Variants in CACNB1 observed in about 807,000 individuals in gnomAD.
CACNB1 encodes the protein voltage-dependent L-type calcium channel subunit beta-1.
CACNB1 carries 29 observed loss-of-function variants against 71.6 expected under a neutral mutation model. That is an observed-to-expected ratio of 0.40 (90% confidence interval 0.30 to 0.55). The LOEUF (loss-of-function observed/expected upper bound fraction) is 0.55. Among genes scored for constraint, CACNB1 ranks in the 20% least tolerant of loss-of-function variants. The pLI, the probability that CACNB1 is intolerant of heterozygous loss-of-function variation, is 0.38. For synonymous variants in CACNB1, 300 were observed against 319.6 expected, an observed-to-expected ratio of 0.94 and a Z score of 0.65; for missense variants, 623 against 801.8, an observed-to-expected ratio of 0.78 and a Z score of 2.69.
At position 39,194,870 on chromosome 17, in the gene CACNB1, A is replaced by T; in HGVS notation, c.171+14T>A. 2 of 1,589,234 alleles carry T rather than the reference A, an allele frequency of 1.3e-6. No individual in the cohort carries two copies. The highest frequency in any genetic ancestry group is 4.5e-5 in the East Asian group (2 of 44,734). On this transcript the variant is annotated intron_variant, in intron 2 of 13. Transcript: ENST00000394303. The surrounding 1 kb of genome is among the most constrained non-coding windows in gnomAD (Gnocchi z 4.6). ...CCAGCCACCTCCCTCCTCTCCGCCCAGCCTCCCCATTACCTGGCGGACAAA... is the reference window on the plus strand; with the variant it reads ...CCAGCCACCTCCCTCCTCTCCGCCCTGCCTCCCCATTACCTGGCGGACAAA...
intron 11 of CACNB1, 137 bp from the exon 12 acceptor site, chr17:39,178,216 G>A: frequency 1.5e-6 from 1 of 680,618 alleles, no homozygotes; most frequent in South Asian, 1.6e-5. Context: ...TCTCAGCCCT[G>A]GGCACCTCTG....
intron 1 of CACNB1, among the ~76,000 whole-genome samples, chr17:39,196,826 G>A (rs932515364): frequency 1.3e-5 from 2 of 151,860 alleles, no homozygotes; most frequent in South Asian, 2.1e-4. Context: ...GGTGTGGGGG[G>A]AGGGGAGCAG....
rs763082625 is a variant in CACNB1, at chr17:39,186,786, C to T, written c.551+7G>A. On this transcript the variant is annotated splice_region_variant and intron_variant, in intron 5 of 13. Transcript: ENST00000394303. The surrounding 1 kb of genome is among the most constrained non-coding windows in gnomAD (Gnocchi z 4.1). ...CAGCATCCCCTTCCCCTGCCCCACC[C>T]AGACACCTGGAGCCGAGGCGGTTCT... The T allele has an allele frequency of 1.2e-6, 2 of 1,613,668 alleles. No homozygotes were observed. The highest frequency in any genetic ancestry group is 3.3e-5 in the Admixed American group (2 of 60,016).
intron 4 of CACNB1, 103 bp from the exon 5 acceptor site, chr17:39,187,032 C>T (rs1202618832): frequency 7.8e-7 from 1 of 1,282,320 alleles, no homozygotes. Context: ...CCTCCCAGCC[C>T]AGGGGTGGCA....
chr17:39,183,471 C>G (rs533354075), intron 11 of CACNB1, among the ~76,000 whole-genome samples: 29 of 152,290 alleles, frequency 1.9e-4, no homozygotes, highest in Non-Finnish European at 4.0e-4. Context: ...AGACAGGGGA[C>G]TGGTCTGCAT....
At chr17:39,177,792 G>A (rs980232887) in intron 12 of CACNB1, among the ~76,000 whole-genome samples, 192 bp downstream of exon 12, 4 of 152,128 alleles carry the variant, frequency 2.6e-5, no homozygotes, top group African/African-American at 7.2e-5. Flanking sequence ...GACTCTCCAC[G>A]CAGAAGGGTG....
At chr17:39,193,360 T>C (rs1304435556) in intron 2 of CACNB1, 2 of 380,862 alleles carry the variant, frequency 5.3e-6, no homozygotes, top group South Asian at 1.8e-5. Flanking sequence ...TGAGGAGGCA[T>C]GGAGACACGC....
In CACNB1 at chr17:39,184,866, TGGGGGGGGAAGCA is replaced by T; in HGVS notation, c.649-15_649-3del. 8.2e-7 allele frequency: 1 copy of T among 1,215,252 alleles called. No homozygotes were observed. Among genetic ancestry groups the T allele is most frequent in the Non-Finnish European group, 1.2e-6 (1 of 836,600 alleles). 75.3% of individuals were successfully genotyped at this position (1,215,252 alleles called of 1,614,324 possible). Reference sequence around the variant, plus strand: ...GTCATAGGGGGGCACATGCTCTGTCTGGGGGGGGAAGCAGGGAGGGGAAACCCCAGAGTGGAGA... The same window carrying T: ...GTCATAGGGGGGCACATGCTCTGTCTGGGAGGGGAAACCCCAGAGTGGAGA... On this transcript the variant is annotated splice_region_variant and splice_polypyrimidine_tract_variant and intron_variant, in intron 7 of 13. Transcript: ENST00000394303.
intron 3 of CACNB1, among the ~76,000 whole-genome samples, chr17:39,190,601 T>C (rs1333027355): frequency 6.6e-6 from 1 of 151,690 alleles, no homozygotes; most frequent in African/African-American, 2.4e-5. Flanking sequence ...CTACGTTTTG[T>C]ATTTTTAGTA....
intron 11 of CACNB1, among the ~76,000 whole-genome samples, chr17:39,181,224 G>A (rs2045750394): frequency 6.6e-6 from 1 of 152,086 alleles, no homozygotes; most frequent in Non-Finnish European, 1.5e-5. Flanking sequence ...CTCCTGAGTA[G>A]CTGGAATTAC....
chr17:39,180,584 G>T (rs1191055697), intron 11 of CACNB1, among the ~76,000 whole-genome samples: 1 of 151,880 alleles, frequency 6.6e-6, no homozygotes, highest in Non-Finnish European at 1.5e-5. Context: ...GAACCTGGGA[G>T]GCAGAGATTG....
At chr17:39,185,495 C>T (rs1373314451) in intron 6 of CACNB1, among the ~76,000 whole-genome samples, 3 of 152,104 alleles carry the variant, frequency 2.0e-5, no homozygotes, top group Admixed American at 2.0e-4. Context: ...CTCCTGCCCC[C>T]AGTGCATGCC....
chr17:39,180,414 G>C (rs555771209), intron 11 of CACNB1, among the ~76,000 whole-genome samples: 1 of 151,980 alleles, frequency 6.6e-6, no homozygotes, highest in Non-Finnish European at 1.5e-5. Context: ...CAGCACTTTG[G>C]GAGGCTGAGA....
intron 3 of CACNB1, among the ~76,000 whole-genome samples, chr17:39,189,169 C>T (rs951559712): frequency 6.6e-6 from 1 of 151,978 alleles, no homozygotes; most frequent in East Asian, 1.9e-4. Flanking sequence ...TCGAGACCAG[C>T]CTGGCTAACA....
At chr17:39,196,368 G>A (rs1034511263) in intron 1 of CACNB1, among the ~76,000 whole-genome samples, 1 of 152,114 alleles carries the variant, frequency 6.6e-6, no homozygotes, top group Non-Finnish European at 1.5e-5. Flanking sequence ...CAAAGGGAGT[G>A]GCACTCAGAG....
In CACNB1 at chr17:39,184,314, C is replaced by T. The variant is rs374004024; in HGVS notation, c.788+11G>A. 1.8e-5 allele frequency: 27 copies of T among 1,535,436 alleles called. No homozygotes were observed. The African/African-American group carries it at 3.4e-4, about 20-fold the overall frequency. ...AACGGCAGGTGCGAGGAGCAGCTCC[C>T]AGGATCTTACCTGCCATCAAACCGA... On this transcript the variant is annotated intron_variant, in intron 9 of 13. Transcript: ENST00000394303.
intron 1 of CACNB1, among the ~76,000 whole-genome samples, chr17:39,195,942 G>A (rs774958184): frequency 3.9e-5 from 6 of 152,158 alleles, no homozygotes; most frequent in African/African-American, 4.8e-5. Flanking sequence ...GAAGCCACAC[G>A]TTCAGGTTAA....
At chr17:39,178,732 CACTT>C (rs2045661867) in intron 11 of CACNB1, among the ~76,000 whole-genome samples, 1 of 152,136 alleles carries the variant, frequency 6.6e-6, no homozygotes, top group Non-Finnish European at 1.5e-5. Context: ...CTTTATGGGG[CACTT>C]GCTACATACC....
chr17:39,188,569 G>GT (rs767332927), intron 3 of CACNB1, among the ~76,000 whole-genome samples: 1 of 150,802 alleles, frequency 6.6e-6, no homozygotes, highest in East Asian at 1.9e-4. Flanking sequence ...GTGAGACTCC[G>GT]TCAAAAAAAA....
Sources: allele counts gnomAD v4.1 joint callset (sites outside exome capture counted in the v4.1 genomes callset), GRCh38; gene constraint gnomAD v4.1.1; non-coding constraint Gnocchi (gnomAD v3.1); transcripts MANE v1.5; gene names NCBI Gene and HGNC (gene_info 2026-07-23, HGNC 2026-07-21).